Variants in ZFYVE9 observed in about 807,000 individuals in gnomAD.
The protein encoded by ZFYVE9 is zinc finger FYVE-type containing 9.
Under a neutral mutation model 126.7 loss-of-function variants are expected in ZFYVE9, and 43 were observed. The ratio of observed to expected loss-of-function variants is 0.34; its 90% CI spans 0.27 to 0.44. ZFYVE9 has a LOEUF of 0.44. ZFYVE9 is among the 20% of genes least tolerant of loss of function. The probability of loss-of-function intolerance (pLI) is 1.00; values close to 1 mark genes in which losing one functional copy is unlikely to be tolerated. For synonymous variants in ZFYVE9, 521 were observed against 597.4 expected, an observed-to-expected ratio of 0.87 and a Z score of 1.87; for missense variants, 1,476 against 1,697.0, an observed-to-expected ratio of 0.87 and a Z score of 2.29.
chr1:52,259,665 T>C (rs1458039409), intron 4 of ZFYVE9, among the ~76,000 whole-genome samples: 2 of 146,574 alleles, frequency 1.4e-5, no homozygotes, highest in African/African-American at 5.0e-5. Flanking sequence ...GGCATGGTGG[T>C]GCACACCTGT....
chr1:52,250,479 T>G (rs372596418), intron 4 of ZFYVE9, among the ~76,000 whole-genome samples: 7 of 152,188 alleles, frequency 4.6e-5, no homozygotes, highest in African/African-American at 1.7e-4. Context: ...CCTGAAACTT[T>G]GCCGCATTTA....
At chr1:52,317,696 GT>G (rs1277363650) in intron 13 of ZFYVE9, among the ~76,000 whole-genome samples, 1 of 152,144 alleles carries the variant, frequency 6.6e-6, no homozygotes, top group African/African-American at 2.4e-5. Flanking sequence ...TAAACCTCTA[GT>G]TAGACTGATT....
chr1:52,255,933 CTTTTCTTTTCTTTTCTTTTCT>C (rs1334678447), intron 4 of ZFYVE9, among the ~76,000 whole-genome samples: 2 of 123,256 alleles, frequency 1.6e-5, no homozygotes, highest in African/African-American at 7.9e-5. Context: ...CTTTTCTTTT[CTTTTCTTTTCTTTTCTTTTCT>C]TTTCTTTTCT....
In ZFYVE9 at chr1:52,149,156, G is replaced by A. The variant is rs906192436; in HGVS notation, c.-143+6753G>A. The stretch of plus-strand genomic sequence containing the variant: ...TTTTTGTATTTTGAGTAGAGATGGG[G>A]TTTTGCCGTGTTGACCAGGCTGATC... On this transcript the variant is annotated intron_variant, in intron 1 of 18. Coordinates refer to ENST00000287727, the MANE Select transcript of ZFYVE9 (RefSeq NM_004799.4). 4.0e-5 allele frequency among the ~76,000 whole-genome samples: 6 copies of A among 151,272 alleles called. No homozygotes were observed. In the South Asian group the frequency reaches 1.0e-3, roughly 26 times the overall value.
chr1:52,251,817 A>C (rs1371608726), intron 4 of ZFYVE9, among the ~76,000 whole-genome samples: 2 of 152,148 alleles, frequency 1.3e-5, no homozygotes, highest in South Asian at 4.1e-4. Flanking sequence ...CATCTGATCT[A>C]GGGCTTTACT....
At chr1:52,171,565 G>A (rs972535824) in intron 1 of ZFYVE9, among the ~76,000 whole-genome samples, 17 of 152,166 alleles carry the variant, frequency 1.1e-4, no homozygotes, top group Admixed American at 9.2e-4. Flanking sequence ...GATCCCTGAG[G>A]AATTGCCACA....
chr1:52,341,139 G>C (rs536631629), intron 17 of ZFYVE9, among the ~76,000 whole-genome samples: 1 of 152,338 alleles, frequency 6.6e-6, no homozygotes, highest in East Asian at 1.9e-4. Flanking sequence ...AGAATCGCTT[G>C]AACCTGGGTG....
Position 52,346,342 on chromosome 1 carries a change from A to ATTTGGG in ZFYVE9, c.*121_*122insTTTGGG. 2 of 207,880 alleles carry ATTTGGG rather than the reference A, an allele frequency of 9.6e-6. No individual in the cohort carries two copies. The highest frequency in any genetic ancestry group is 1.9e-5 in the Non-Finnish European group (2 of 103,624). The allele number at this position is 207,880 out of a possible 1,614,324, so 12.9% of individuals were successfully genotyped here. The stretch of plus-strand genomic sequence containing the variant: ...TAACACTATTAATGGGGTGGGGAAT[A>ATTTGGG]GGGTGGGAGTGGGGGTTTGGGAGAC... On this transcript the variant is annotated 3_prime_UTR_variant, in exon 19 of 19. Transcript: ENST00000287727.
intron 12 of ZFYVE9, among the ~76,000 whole-genome samples, chr1:52,299,050 C>T (rs577074696): frequency 4.6e-5 from 7 of 152,014 alleles, no homozygotes; most frequent in African/African-American, 9.6e-5. Flanking sequence ...CCTCATGATC[C>T]GCCCGCCTCT....
chr1:52,319,918 C>G (rs1022538239), intron 13 of ZFYVE9, among the ~76,000 whole-genome samples: 1 of 148,906 alleles, frequency 6.7e-6, no homozygotes, highest in Non-Finnish European at 1.5e-5. Context: ...GAGGCTGAGG[C>G]AGGAGAATCT....
chr1:52,242,088 A>G (rs1443412722), intron 4 of ZFYVE9, among the ~76,000 whole-genome samples: 2 of 123,438 alleles, frequency 1.6e-5, no homozygotes, highest in African/African-American at 6.5e-5. Context: ...GCTGGAGTGT[A>G]TGGCGTGATC....
intron 13 of ZFYVE9, among the ~76,000 whole-genome samples, chr1:52,329,766 A>G (rs772378651): frequency 3.4e-4 from 51 of 152,224 alleles, no homozygotes; most frequent in Non-Finnish European, 5.3e-4. Context: ...TTAGCCGGGC[A>G]TGGTGGCCAG....
Position 52,245,298 on chromosome 1 carries a change from A to G in ZFYVE9, c.2178+5703A>G, listed in dbSNP as rs147805477. Among the ~76,000 whole-genome samples the G allele has an allele frequency of 8.3e-4, 126 of 152,268 alleles. 2 individuals carry two copies. In the East Asian group the frequency reaches 0.021, roughly 25 times the overall value. On this transcript the variant is annotated intron_variant, in intron 4 of 18. Coordinates refer to ENST00000287727, the MANE Select transcript of ZFYVE9 (RefSeq NM_004799.4). The stretch of plus-strand genomic sequence containing the variant: ...GGAAAAGAATGGGCCTCCTGGTAAA[A>G]CATACCACTCATGTTACTGTAGATG...
chr1:52,270,825 A>T (rs1326547514), intron 7 of ZFYVE9, among the ~76,000 whole-genome samples: 1 of 150,616 alleles, frequency 6.6e-6, no homozygotes, highest in African/African-American at 2.4e-5. Context: ...CTAGTTTCAG[A>T]TTAAACATTT....
At chr1:52,288,264 T>C (rs1190325183) in intron 10 of ZFYVE9, among the ~76,000 whole-genome samples, 1 of 152,186 alleles carries the variant, frequency 6.6e-6, no homozygotes, top group East Asian at 1.9e-4. Flanking sequence ...AAATCTCATG[T>C]TTCGAACCAT....
intron 13 of ZFYVE9, among the ~76,000 whole-genome samples, chr1:52,320,834 TA>T (rs1646232500): frequency 6.6e-6 from 1 of 152,136 alleles, no homozygotes; most frequent in South Asian, 2.1e-4. Context: ...TTGTACACTT[TA>T]AATATGTGTA....
At chr1:52,341,123 G>A (rs1247691297) in intron 17 of ZFYVE9, among the ~76,000 whole-genome samples, 2 of 152,216 alleles carry the variant, frequency 1.3e-5, no homozygotes, top group Non-Finnish European at 2.9e-5. Flanking sequence ...AGGAGGCTGA[G>A]GTGGGAGAAT....
intron 9 of ZFYVE9, among the ~76,000 whole-genome samples, chr1:52,278,891 C>T (rs112200218): frequency 0.039 from 5,887 of 151,718 alleles, 356 homozygotes; most frequent in African/African-American, 0.12. Context: ...CCACCACGCC[C>T]GGCTAATTTT....
At position 52,162,253 on chromosome 1, in the gene ZFYVE9, T is replaced by A. The variant is rs148401232; in HGVS notation, c.-143+19850T>A. 1,567 of 296,906 alleles carry A rather than the reference T, an allele frequency of 5.3e-3. 35 individuals carry two copies. The highest frequency in any genetic ancestry group is 0.043 in the East Asian group (492 of 11,550). 18.4% of individuals were successfully genotyped at this position (296,906 alleles called of 1,614,324 possible). A position where few individuals can be genotyped will look rare whatever the true frequency, so the allele number is the denominator to read the frequency against. On this transcript the variant is annotated intron_variant, in intron 1 of 18. Coordinates refer to ENST00000287727, the MANE Select transcript of ZFYVE9 (RefSeq NM_004799.4). ...ATCGACTATAATAAGGAGAAGGTGA[T>A]CATCTTCTGTACCGGTAATCATAGT...
Sources: allele counts gnomAD v4.1 joint callset (sites outside exome capture counted in the v4.1 genomes callset), GRCh38; gene constraint gnomAD v4.1.1; transcripts MANE v1.5; gene names NCBI Gene and HGNC (gene_info 2026-07-23, HGNC 2026-07-21).